MYO5B: variants seen among roughly 807,000 people sequenced by gnomAD.
MYO5B encodes the protein myosin VB.
Under a neutral mutation model 229.3 loss-of-function variants are expected in MYO5B, and 143 were observed. That is an observed-to-expected ratio of 0.62 (90% CI 0.54 to 0.72). The LOEUF is 0.72. Among genes scored for constraint, MYO5B ranks in the 30% least tolerant of loss-of-function variants. The pLI is 0.00. For synonymous variants in MYO5B, 918 were observed against 885.2 expected (o/e 1.04, Z -0.66); for missense variants, 2,321 against 2,331.0 (o/e 1.00, Z 0.09).
chr18:49,902,179 T>C (rs1325742135), intron 21 of MYO5B, among the ~76,000 whole-genome samples: 1 of 151,488 alleles, frequency 6.6e-6, no homozygotes, highest in African/African-American at 2.4e-5. Flanking sequence ...TAGGGGAGAG[T>C]CCATGTCTTC....
At position 49,878,300 on chromosome 18, in the gene MYO5B, G is replaced by A. The variant is rs1056861702; in HGVS notation, c.3277-418C>T. Among the ~76,000 whole-genome samples, 5 of 152,010 alleles carry A rather than the reference G, an allele frequency of 3.3e-5. No individual in the cohort carries two copies. In the East Asian group the frequency reaches 9.6e-4, roughly 29 times the overall value. On this transcript the variant is annotated intron_variant, in intron 24 of 39. Transcript: ENST00000285039. ...TGAAAATAGTAGCATATTAAAAATA[G>A]TTTACCATTTATACTGTTCATTTAA... is the stretch of plus-strand genomic sequence containing the variant.
At chr18:50,160,500 C>T (rs2032749178) in intron 1 of MYO5B, among the ~76,000 whole-genome samples, 2 of 152,148 alleles carry the variant, frequency 1.3e-5, no homozygotes, top group Non-Finnish European at 2.9e-5. Flanking sequence ...ATTTTAACTG[C>T]CCCCCAAAGT....
chr18:50,107,885 C>T (rs2031791325), intron 1 of MYO5B, among the ~76,000 whole-genome samples: 1 of 152,154 alleles, frequency 6.6e-6, no homozygotes, highest in African/African-American at 2.4e-5. Flanking sequence ...CCATGTGACC[C>T]TCCCTCTAGA....
intron 1 of MYO5B, among the ~76,000 whole-genome samples, chr18:50,078,911 T>G (rs1408436566): frequency 6.6e-6 from 1 of 152,134 alleles, no homozygotes; most frequent in South Asian, 2.1e-4. Flanking sequence ...TATACAGCAA[T>G]GAGAAGGAAG....
At position 50,159,749 on chromosome 18, in the gene MYO5B, T is replaced by C. The variant is rs147983448; in HGVS notation, c.27+35018A>G. Among the ~76,000 whole-genome samples the C allele has an allele frequency of 1.5e-4, 23 of 152,236 alleles. No individual in the cohort carries two copies. In the East Asian group the frequency reaches 4.2e-3, roughly 28 times the overall value. On this transcript the variant is annotated intron_variant, in intron 1 of 39. Transcript: ENST00000285039. ...AGCAACCAGCTCCCCTCTCTCCCAG[T>C]GTTTGTTACTCAAGGTCTTCACGTT...
At chr18:50,031,260 T>C (rs1473936610) in intron 4 of MYO5B, among the ~76,000 whole-genome samples, 1 of 152,162 alleles carries the variant, frequency 6.6e-6, no homozygotes, top group Non-Finnish European at 1.5e-5. Context: ...CTGGGTTCCA[T>C]CTCTGCCCAT....
At chr18:49,896,114 G>A (rs1304444102) in intron 21 of MYO5B, among the ~76,000 whole-genome samples, 1 of 152,152 alleles carries the variant, frequency 6.6e-6, no homozygotes, top group East Asian at 1.9e-4. Flanking sequence ...ATTCACATAA[G>A]AAATTAAACT....
At chr18:50,107,065 C>G (rs183498627) in intron 1 of MYO5B, among the ~76,000 whole-genome samples, 29 of 143,430 alleles carry the variant, frequency 2.0e-4, no homozygotes, top group Middle Eastern at 4.0e-3. Context: ...CTAGACAGAG[C>G]TTGGAGATTG....
chr18:49,843,967 A>G (rs2024094676), intron 33 of MYO5B, among the ~76,000 whole-genome samples: 2 of 152,224 alleles, frequency 1.3e-5, no homozygotes, highest in South Asian at 4.1e-4. Context: ...TTCACAGCCA[A>G]ATAGATCAGG....
rs1417311457 is a variant in MYO5B, at chr18:49,853,608, A to G, written c.4062T>C (p.His1354=). ...EAQLQAQSLE[H]EEEVEHLKAQ... is the part of the protein sequence containing the mutation. The stretch of plus-strand genomic sequence containing the variant: ...CCTTGAGATGCTCCACCTCCTCCTC[A>G]TGCTCCAGGCTCTGGGCCTGCAGCT... The change falls in exon 31 of 40, where the codon CAT becomes CAC. Residue 1354 remains histidine (H), a synonymous_variant. Transcript: ENST00000285039. The G allele has an allele frequency of 1.2e-6, 2 of 1,613,560 alleles. No individual in the cohort carries two copies. The highest frequency in any genetic ancestry group is 1.1e-5 in the South Asian group (1 of 91,076).
At chr18:49,888,922 G>T (rs1389186072) in intron 22 of MYO5B, among the ~76,000 whole-genome samples, 1 of 152,258 alleles carries the variant, frequency 6.6e-6, no homozygotes, top group African/African-American at 2.4e-5. Context: ...TCCCTCCAGA[G>T]CCTGTGGGAC....
At chr18:49,831,679 C>T (rs1449459857) in intron 39 of MYO5B, among the ~76,000 whole-genome samples, 2 of 152,142 alleles carry the variant, frequency 1.3e-5, no homozygotes, top group African/African-American at 4.8e-5. Context: ...AATGGTATAG[C>T]TGCTGTGGAA....
At chr18:50,183,502 A>C (rs1002355608) in intron 1 of MYO5B, among the ~76,000 whole-genome samples, 1 of 151,854 alleles carries the variant, frequency 6.6e-6, no homozygotes, top group Non-Finnish European at 1.5e-5. Context: ...GCCCAGAAAG[A>C]AAGCAAAATG....
intron 10 of MYO5B, among the ~76,000 whole-genome samples, chr18:49,966,075 ATGGTGG>A (rs573564955): frequency 7.0e-4 from 107 of 152,170 alleles, no homozygotes; most frequent in African/African-American, 2.3e-3. Flanking sequence ...GGGGCTGAGG[ATGGTGG>A]TGGTGGAGAG....
At chr18:49,960,916 T>C (rs1003499499) in intron 12 of MYO5B, among the ~76,000 whole-genome samples, 6 of 152,120 alleles carry the variant, frequency 3.9e-5, no homozygotes, top group Admixed American at 6.5e-5. Flanking sequence ...GGGTCCTCCT[T>C]GAGTACTGGC....
At chr18:49,924,618 T>C (rs1255875358) in intron 17 of MYO5B, among the ~76,000 whole-genome samples, 1 of 152,190 alleles carries the variant, frequency 6.6e-6, no homozygotes, top group Non-Finnish European at 1.5e-5. Flanking sequence ...TCTCTTAGGA[T>C]CCTGCTTCAC....
intron 1 of MYO5B, among the ~76,000 whole-genome samples, chr18:50,068,905 A>G (rs2030886289): frequency 6.6e-6 from 1 of 152,214 alleles, no homozygotes; most frequent in South Asian, 2.1e-4. Flanking sequence ...CCAGGGCAAC[A>G]TCTTTAATGT....
intron 17 of MYO5B, among the ~76,000 whole-genome samples, chr18:49,918,089 G>T (rs2025036529): frequency 6.6e-6 from 1 of 152,256 alleles, no homozygotes; most frequent in African/African-American, 2.4e-5. Context: ...CGGCTGCTAA[G>T]AATGGTGCAG....
rs368827854 is a variant in MYO5B at position 49,880,361 on chromosome 18, T to C, written c.3130+10A>G. The C allele has an allele frequency of 2.5e-6, 4 of 1,610,902 alleles. No homozygotes were observed. Among genetic ancestry groups the C allele is most frequent in the Non-Finnish European group, 3.4e-6 (4 of 1,177,150 alleles). On this transcript the variant is annotated intron_variant, in intron 23 of 39. Transcript: ENST00000285039. ...AACCCCAAATAAAACTCAAGTGCTTTGGTACTTACCTTTAGACTGGCACAG... is the reference window on the plus strand; with the variant it reads ...AACCCCAAATAAAACTCAAGTGCTTCGGTACTTACCTTTAGACTGGCACAG...
Sources: gnomAD v4.1 joint callset for allele counts (sites outside exome capture counted in the v4.1 genomes callset) on GRCh38, gnomAD v4.1.1 for gene constraint, MANE v1.5 for transcripts, NCBI Gene and HGNC (gene_info 2026-07-23, HGNC 2026-07-21) for gene names.